The following PAK5 variants were observed in gnomAD, a reference collection of about 807,000 sequenced individuals.
PAK5 encodes the protein p21 (RAC1) activated kinase 5.
A neutral mutation model predicts 65.9 loss-of-function variants in PAK5; 16 were observed. The ratio of observed to expected loss-of-function variants is 0.24; its 90% confidence interval spans 0.16 to 0.37. The LOEUF is 0.37. Ranked by LOEUF, PAK5 falls within the 10% of genes least tolerant of loss-of-function variation. The pLI, the probability that PAK5 is intolerant of heterozygous loss-of-function variation, is 1.00. For missense variants in PAK5, 785 were observed against 903.9 expected, an observed-to-expected ratio of 0.87 and a Z score of 1.69; for synonymous variants, 371 against 354.9, an observed-to-expected ratio of 1.05 and a Z score of -0.51.
At position 9,566,162 on chromosome 20, in the gene PAK5, T is replaced by C; in HGVS notation, c.1213A>G (p.Ser405Gly). 3.7e-6 allele frequency: 6 copies of C among 1,613,930 alleles called. No individual in the cohort carries two copies. The Middle Eastern group carries it at 6.6e-4, about 177-fold the overall frequency. Residue 405 changes from serine (S) to glycine (G), a missense_variant, in exon 5 of 10, where the codon AGC becomes GGC. Physicochemically the swap from Ser to Gly is moderately conservative, Grantham distance 56. Coordinates refer to ENST00000353224, the MANE Select transcript of PAK5 (RefSeq NM_177990.4). ...GGCGGGTAGGTGCTGGATGAGAGGC[T>C]GAGGGAGCTCAGGTAGGAAGCCGTG... ...ISTASYLSSL[S>G]LSSSTYPPPS...
Position 9,566,173 on chromosome 20 carries a change from A to G in PAK5, c.1202T>C (p.Leu401Pro), listed in dbSNP as rs138771141. Residue 401 changes from leucine to proline, a missense_variant, in exon 5 of 10, where the codon CTG (leucine) becomes CCG (proline). Coordinates refer to ENST00000353224, the MANE Select transcript of PAK5 (RefSeq NM_177990.4). ...SSQYISTASY[L>P]SSLSLSSSTY... ...GCTGGATGAGAGGCTGAGGGAGCTCAGGTAGGAAGCCGTGGAGATGTACTG... is the reference window on the plus strand; with the variant it reads ...GCTGGATGAGAGGCTGAGGGAGCTCGGGTAGGAAGCCGTGGAGATGTACTG... The G allele has an allele frequency of 5.0e-6, 8 of 1,613,792 alleles. No homozygotes were observed. The highest frequency in any genetic ancestry group is 6.8e-6 in the Non-Finnish European group (8 of 1,179,972).
intron 2 of PAK5, among the ~76,000 whole-genome samples, chr20:9,676,059 A>AAC (rs2047566928): frequency 6.6e-6 from 1 of 152,196 alleles, no homozygotes; most frequent in Admixed American, 6.5e-5. Context: ...TGGCTGGGGA[A>AAC]GCCTCACAAT....
chr20:9,780,564 A>G (rs990481580), intron 1 of PAK5, among the ~76,000 whole-genome samples: 1 of 152,104 alleles, frequency 6.6e-6, no homozygotes, highest in African/African-American at 2.4e-5. Context: ...AAATGTATAC[A>G]TGTATTATGA....
At chr20:9,718,954 C>G (rs904771641) in intron 1 of PAK5, among the ~76,000 whole-genome samples, 1 of 152,116 alleles carries the variant, frequency 6.6e-6, no homozygotes, top group Non-Finnish European at 1.5e-5. Context: ...TAATATAAAC[C>G]TCCTCTGAGG....
At chr20:9,726,863 A>T (rs2048283585) in intron 1 of PAK5, among the ~76,000 whole-genome samples, 1 of 152,162 alleles carries the variant, frequency 6.6e-6, no homozygotes, top group Non-Finnish European at 1.5e-5. Context: ...AAAAAGGATG[A>T]TCAACTATGT....
intron 1 of PAK5, among the ~76,000 whole-genome samples, chr20:9,759,879 A>G (rs2048678632): frequency 6.6e-6 from 1 of 152,198 alleles, no homozygotes; most frequent in Admixed American, 6.5e-5. Flanking sequence ...GTCGTAACAT[A>G]TACCAACCAT....
At chr20:9,582,792 A>G (rs1354696081) in intron 3 of PAK5, among the ~76,000 whole-genome samples, 1 of 152,132 alleles carries the variant, frequency 6.6e-6, no homozygotes, top group African/African-American at 2.4e-5. Flanking sequence ...TTATTTATAT[A>G]TAAGGATGGA....
chr20:9,746,386 C>T (rs1471234144), intron 1 of PAK5, among the ~76,000 whole-genome samples: 1 of 152,048 alleles, frequency 6.6e-6, no homozygotes, highest in African/African-American at 2.4e-5. Context: ...CCAACAGTAC[C>T]AAATCTCTAA....
intron 2 of PAK5, among the ~76,000 whole-genome samples, chr20:9,657,402 G>C (rs981406874): frequency 2.0e-5 from 3 of 152,002 alleles, no homozygotes; most frequent in Non-Finnish European, 4.4e-5. Context: ...ACTCATTGAG[G>C]GATAGTTTGG....
intron 1 of PAK5, among the ~76,000 whole-genome samples, chr20:9,727,237 A>G (rs1159429063): frequency 6.6e-6 from 1 of 152,186 alleles, no homozygotes; most frequent in Non-Finnish European, 1.5e-5. Flanking sequence ...ATTAAATACT[A>G]TCAAAAGTGT....
chr20:9,779,648 A>G (rs2048921650), intron 1 of PAK5, among the ~76,000 whole-genome samples: 1 of 151,936 alleles, frequency 6.6e-6, no homozygotes, highest in Non-Finnish European at 1.5e-5. Context: ...CTCAGTAGCC[A>G]TCTTTACATA....
At chr20:9,616,676 G>A (rs747045267) in intron 3 of PAK5, among the ~76,000 whole-genome samples, 4 of 152,206 alleles carry the variant, frequency 2.6e-5, no homozygotes, top group Admixed American at 6.5e-5. Context: ...TGGCACAGCA[G>A]GGTGATAATA....
chr20:9,600,042 G>A (rs1386509127), intron 3 of PAK5, among the ~76,000 whole-genome samples: 1 of 152,132 alleles, frequency 6.6e-6, no homozygotes, highest in South Asian at 2.1e-4. Context: ...TAAGATAAGG[G>A]GCCACCTTCA....
At chr20:9,776,413 T>A (rs1298808858) in intron 1 of PAK5, among the ~76,000 whole-genome samples, 1 of 152,236 alleles carries the variant, frequency 6.6e-6, no homozygotes, top group African/African-American at 2.4e-5. Context: ...TGGGAGCTTA[T>A]ATTCTAATGG....
chr20:9,699,906 C>A (rs76614081), intron 2 of PAK5, among the ~76,000 whole-genome samples: 9,110 of 152,216 alleles, frequency 0.06, 298 homozygotes, highest in Middle Eastern at 0.1. Context: ...TACTTAAGAA[C>A]CTCCTTCAAA....
At chr20:9,676,684 T>C (rs937623823) in intron 2 of PAK5, among the ~76,000 whole-genome samples, 26 of 152,174 alleles carry the variant, frequency 1.7e-4, no homozygotes, top group African/African-American at 5.1e-4. Flanking sequence ...ATTGAAAAGG[T>C]AGATCAGTAT....
chr20:9,570,459 CGT>C (rs2045758953), intron 4 of PAK5, among the ~76,000 whole-genome samples: 2 of 115,914 alleles, frequency 1.7e-5, no homozygotes, highest in South Asian at 2.4e-4. Flanking sequence ...ACAAGGAAAA[CGT>C]GTGTGTGTGA....
intron 2 of PAK5, among the ~76,000 whole-genome samples, chr20:9,689,523 C>T (rs1293742551): frequency 1.3e-5 from 2 of 152,310 alleles, no homozygotes; most frequent in East Asian, 3.9e-4. Context: ...GCAACTTCAC[C>T]AAACCAATAA....
chr20:9,761,330 G>A (rs184083495), intron 1 of PAK5, among the ~76,000 whole-genome samples: 219 of 152,160 alleles, frequency 1.4e-3, no homozygotes, highest in Non-Finnish European at 2.7e-3. Context: ...AAGAATCCCT[G>A]CCCTTGAAAT....
Sources: gnomAD v4.1 joint callset for allele counts (sites outside exome capture counted in the v4.1 genomes callset) on GRCh38, gnomAD v4.1.1 for gene constraint, MANE v1.5 for transcripts, NCBI Gene and HGNC (gene_info 2026-07-23, HGNC 2026-07-21) for gene names.